ARK2N: variants seen among roughly 807,000 people sequenced by gnomAD.
ARK2N encodes the protein protein ARK2N.
At chr18:46,184,554 T>C in the ARK2N span, among the ~76,000 whole-genome samples, 1 of 152,136 alleles carries the variant, frequency 6.6e-6, no homozygotes, top group East Asian at 1.9e-4. Context: ...AAACTCCGTC[T>C]CTCCTAAAAA....
chr18:46,214,636 T>C, the ARK2N span, among the ~76,000 whole-genome samples: 1 of 152,260 alleles, frequency 6.6e-6, no homozygotes, highest in East Asian at 1.9e-4. Flanking sequence ...TTATGTCCTG[T>C]ACCTGTATGG....
chr18:46,241,036 G>C, the ARK2N span, among the ~76,000 whole-genome samples: 2 of 152,154 alleles, frequency 1.3e-5, no homozygotes, highest in African/African-American at 4.8e-5. Context: ...AAATGCATTG[G>C]TTTTATGAGT....
chr18:46,201,693 T>A, the ARK2N span, among the ~76,000 whole-genome samples: 1 of 152,020 alleles, frequency 6.6e-6, no homozygotes, highest in Non-Finnish European at 1.5e-5. Flanking sequence ...TTCCCCTAGA[T>A]CTCCCTTTCA....
chr18:46,221,038 G>C, the ARK2N span, among the ~76,000 whole-genome samples: 1 of 152,210 alleles, frequency 6.6e-6, no homozygotes, highest in Admixed American at 6.5e-5. Flanking sequence ...CCGGAGGCTG[G>C]TGTGGGAGGA....
chr18:46,197,402 T>G, the ARK2N span, among the ~76,000 whole-genome samples: 2 of 152,006 alleles, frequency 1.3e-5, no homozygotes, highest in African/African-American at 2.4e-5. Flanking sequence ...GCCAGCTAAT[T>G]TTTGTATTTT....
the ARK2N span, among the ~76,000 whole-genome samples, chr18:46,250,171 C>T: frequency 7.3e-3 from 1,118 of 152,178 alleles, 7 homozygotes; most frequent in Non-Finnish European, 0.013. Context: ...ACCGATTGTA[C>T]CATTGACTGT....
At chr18:46,244,615 T>TTTTTTTTG in the ARK2N span, among the ~76,000 whole-genome samples, 1 of 146,014 alleles carries the variant, frequency 6.8e-6, no homozygotes, top group Admixed American at 6.8e-5. Context: ...TTTTTTTTTT[T>TTTTTTTTG]TTTTTTTAAG....
chr18:46,222,168 C>T, the ARK2N span, among the ~76,000 whole-genome samples: 1 of 152,150 alleles, frequency 6.6e-6, no homozygotes, highest in Admixed American at 6.5e-5. Context: ...AATGATTGAC[C>T]TTAGGTGATG....
At chr18:46,239,975 A>G in the ARK2N span, 1 of 1,601,050 alleles carries the variant, frequency 6.2e-7, no homozygotes, top group Non-Finnish European at 8.6e-7. Context: ...CACACGTTAG[A>G]TACAAGTATA....
chr18:46,243,331 G>A, the ARK2N span, among the ~76,000 whole-genome samples: 2 of 152,064 alleles, frequency 1.3e-5, no homozygotes, highest in African/African-American at 4.8e-5. Context: ...TGGTTAATCT[G>A]GGTCCTGTCT....
chr18:46,196,676 G>A, the ARK2N span, among the ~76,000 whole-genome samples: 17 of 152,272 alleles, frequency 1.1e-4, no homozygotes, highest in East Asian at 1.5e-3. Context: ...AGCAATAAAC[G>A]TTATCATTTC....
the ARK2N span, among the ~76,000 whole-genome samples, chr18:46,195,559 C>CTTTTT: frequency 4.7e-4 from 34 of 72,688 alleles, no homozygotes; most frequent in African/African-American, 2.0e-3. Flanking sequence ...CCCACATAAA[C>CTTTTT]TTTTTTTTTT....
the ARK2N span, among the ~76,000 whole-genome samples, chr18:46,200,038 T>C: frequency 0.011 from 1,746 of 152,120 alleles, 61 homozygotes; most frequent in East Asian, 0.12. Context: ...CAGCATCAGA[T>C]GCAGATAGCC....
the ARK2N span, among the ~76,000 whole-genome samples, chr18:46,219,428 A>G: frequency 6.6e-6 from 1 of 151,576 alleles, no homozygotes; most frequent in East Asian, 1.9e-4. Flanking sequence ...TAAAAGTACT[A>G]TGTGATGGTT....
the ARK2N span, among the ~76,000 whole-genome samples, chr18:46,207,448 G>A: frequency 6.9e-6 from 1 of 144,134 alleles, no homozygotes; most frequent in African/African-American, 2.6e-5. Flanking sequence ...GGAGTGCAGT[G>A]GTGTGGTCTC....
chr18:46,248,409 G>A, the ARK2N span, among the ~76,000 whole-genome samples: 2 of 152,166 alleles, frequency 1.3e-5, no homozygotes, highest in Admixed American at 1.3e-4. Context: ...AGACAACAGA[G>A]TTGGGGATAA....
At chr18:46,175,167 C>T in the ARK2N span, among the ~76,000 whole-genome samples, 1 of 144,778 alleles carries the variant, frequency 6.9e-6, no homozygotes, top group African/African-American at 2.5e-5. Flanking sequence ...TTGATGCTCA[C>T]AGGTTGAAGT....
chr18:46,194,477 TG>T, the ARK2N span, among the ~76,000 whole-genome samples: 8 of 149,248 alleles, frequency 5.4e-5, no homozygotes, highest in African/African-American at 9.8e-5. Context: ...TTTTTTTTTT[TG>T]TTTGTTTTTT....
At chr18:46,257,773 C>T in the ARK2N span, among the ~76,000 whole-genome samples, 10 of 151,992 alleles carry the variant, frequency 6.6e-5, no homozygotes, top group Admixed American at 3.3e-4. Flanking sequence ...GTTATGGAAC[C>T]GTGTTGGAAC....
Sources: allele counts gnomAD v4.1 joint callset (sites outside exome capture counted in the v4.1 genomes callset), GRCh38; gene constraint gnomAD v4.1.1; transcripts MANE v1.5; gene names NCBI Gene and HGNC (gene_info 2026-07-23, HGNC 2026-07-21).